Variants in COL14A1 observed in about 807,000 individuals in gnomAD.
COL14A1 encodes the protein collagen type XIV alpha 1 chain.
COL14A1 carries 136 observed loss-of-function variants against 230.3 expected under a neutral mutation model. The ratio of observed to expected loss-of-function variants is 0.59; its 90% CI spans 0.51 to 0.68. The LOEUF (loss-of-function observed/expected upper bound fraction) is 0.68. Among genes scored for constraint, COL14A1 ranks in the 30% least tolerant of loss-of-function variants. The pLI is 0.00. For synonymous variants in COL14A1, 792 were observed against 784.1 expected (o/e 1.01, Z -0.17); for missense variants, 1,976 against 2,215.8 (o/e 0.89, Z 2.17).
intron 5 of COL14A1, among the ~76,000 whole-genome samples, chr8:120,171,545 A>G (rs1044146719): frequency 3.4e-4 from 52 of 152,110 alleles, no homozygotes; most frequent in African/African-American, 1.2e-3. Context: ...ACATTTTACT[A>G]CCTTCTGGCT....
At chr8:120,278,676 T>G in intron 28 of COL14A1, 98 bp downstream of exon 28, 1 of 1,240,806 alleles carries the variant, frequency 8.1e-7, no homozygotes, top group South Asian at 1.9e-5. Flanking sequence ...CTTAAATGTT[T>G]TAAAATATTT....
At position 120,243,947 on chromosome 8, in the gene COL14A1, C is replaced by A; in HGVS notation, c.2418C>A (p.Val806=). The A allele has an allele frequency of 6.2e-7, 1 of 1,613,598 alleles. No homozygotes were observed. Among genetic ancestry groups the A allele is most frequent in the South Asian group, 1.1e-5 (1 of 91,006 alleles). Residue 806 remains valine, a synonymous_variant, in exon 20 of 48, where the codon GTC becomes GTA. Coordinates refer to ENST00000297848, the MANE Select transcript of COL14A1 (RefSeq NM_021110.4). ...KPLLPDTEYK[V]TVTPIYTDGE... ...TGCTTCCTGATACTGAATACAAAGTCACAGTGACTCCCATCTACACGGATG... is the reference window on the plus strand; with the variant it reads ...TGCTTCCTGATACTGAATACAAAGTAACAGTGACTCCCATCTACACGGATG...
intron 2 of COL14A1, among the ~76,000 whole-genome samples, chr8:120,153,468 A>G (rs1815355521): frequency 6.6e-6 from 1 of 152,210 alleles, no homozygotes; most frequent in Non-Finnish European, 1.5e-5. Flanking sequence ...TACAGACATG[A>G]GCCACTGTAC....
At position 120,231,551 on chromosome 8, in the gene COL14A1, A is replaced by T. The variant is rs1031762372; in HGVS notation, c.2282A>T (p.Asp761Val). 4 of 1,614,088 alleles carry T rather than the reference A, an allele frequency of 2.5e-6. No individual in the cohort carries two copies. Among genetic ancestry groups the T allele is most frequent in the Non-Finnish European group, 3.4e-6 (4 of 1,180,010 alleles). ...GTAAAATGGGACATTTCTGACAGCGATGTGCAGCAGTTTAGGGTGACCTAC... is the reference window on the plus strand; with the variant it reads ...GTAAAATGGGACATTTCTGACAGCGTTGTGCAGCAGTTTAGGGTGACCTAC... The part of the protein sequence containing the change: ...LRVKWDISDS[D>V]VQQFRVTYMT... The change falls in exon 19 of 48, where the codon GAT (aspartate) becomes GTT (valine). Residue 761 changes from aspartate to valine, a missense_variant. By Grantham distance (152) the Asp-to-Val change is radical. This residue lies in a region of COL14A1 where 1,791 missense variants were observed against 2,019.5 expected (regional missense o/e 0.89). Coordinates refer to ENST00000297848, the MANE Select transcript of COL14A1 (RefSeq NM_021110.4).
chr8:120,230,280 C>A (rs1213611306), intron 18 of COL14A1, among the ~76,000 whole-genome samples: 3 of 152,152 alleles, frequency 2.0e-5, no homozygotes, highest in Non-Finnish European at 4.4e-5. Context: ...TTTCCTCTCT[C>A]AGCTTAGCTT....
chr8:120,147,951 T>A, intron 2 of COL14A1, 21 bp downstream of exon 2: 1 of 1,530,666 alleles, frequency 6.5e-7, no homozygotes, highest in Non-Finnish European at 9.0e-7. Context: ...ACTTTGAGAA[T>A]CAGTAGGGTC....
intron 31 of COL14A1, among the ~76,000 whole-genome samples, chr8:120,282,130 T>C (rs989095319): frequency 6.6e-6 from 1 of 152,200 alleles, no homozygotes; most frequent in African/African-American, 2.4e-5. Flanking sequence ...GTGGCACATA[T>C]ACACCATGGA....
At position 120,294,098 on chromosome 8, in the gene COL14A1, G is replaced by A. The variant is rs114803667; in HGVS notation, c.4237-3413G>A. ...TTCTTGTGCAGTGTAAAGCTCTCTA[G>A]ATATTTATATAAATTCAGGTACAGC... is the stretch of plus-strand genomic sequence containing the variant. On this transcript the variant is annotated intron_variant, in intron 34 of 47. Transcript: ENST00000297848. 8.0e-3 allele frequency among the ~76,000 whole-genome samples: 1,220 copies of A among 151,706 alleles called. 19 individuals carry two copies. Among genetic ancestry groups the A allele is most frequent in the African/African-American group, 0.027 (1,130 of 41,464 alleles).
chr8:120,212,169 C>A (rs192031172), intron 12 of COL14A1, among the ~76,000 whole-genome samples: 1 of 152,334 alleles, frequency 6.6e-6, no homozygotes. Context: ...ATATACTCAA[C>A]ATTGTTATTC....
At chr8:120,132,810 C>T (rs1814575274) in intron 1 of COL14A1, among the ~76,000 whole-genome samples, 2 of 152,150 alleles carry the variant, frequency 1.3e-5, no homozygotes, top group East Asian at 1.9e-4. Context: ...ACATTAGACA[C>T]AAACATGTTG....
chr8:120,193,965 G>C (rs1265093380), intron 5 of COL14A1, among the ~76,000 whole-genome samples: 1 of 152,158 alleles, frequency 6.6e-6, no homozygotes, highest in African/African-American at 2.4e-5. Flanking sequence ...CCCTTTCTTT[G>C]ACTAGGAAAG....
At chr8:120,340,037 CAAAAAAA>C (rs530829054) in intron 42 of COL14A1, among the ~76,000 whole-genome samples, 2 of 77,732 alleles carry the variant, frequency 2.6e-5, no homozygotes, top group African/African-American at 5.0e-5. Context: ...GACTGCGTCT[CAAAAAAA>C]AAAAAAAAAA....
intron 45 of COL14A1, among the ~76,000 whole-genome samples, chr8:120,357,834 G>A (rs1274746318): frequency 1.3e-5 from 2 of 152,048 alleles, no homozygotes; most frequent in African/African-American, 4.8e-5. Context: ...GTTTTCAGAG[G>A]GAAACGCAAG....
At chr8:120,297,629 T>A in intron 35 of COL14A1, 41 bp downstream of exon 35, 1 of 1,174,694 alleles carries the variant, frequency 8.5e-7, no homozygotes, top group Non-Finnish European at 1.1e-6. Context: ...TTTTAAATTG[T>A]ATTTAATTTT....
intron 5 of COL14A1, among the ~76,000 whole-genome samples, chr8:120,183,491 C>G (rs958350753): frequency 2.0e-5 from 3 of 152,190 alleles, no homozygotes; most frequent in Non-Finnish European, 4.4e-5. Flanking sequence ...GAGTTGAAAT[C>G]TGTCACTTTA....
chr8:120,369,256 T>A, intron 46 of COL14A1, 74 bp from the exon 47 acceptor site: 1 of 1,417,182 alleles, frequency 7.1e-7, no homozygotes. Flanking sequence ...AGAGTTAGTT[T>A]ACTTCTTGGT....
intron 45 of COL14A1, among the ~76,000 whole-genome samples, chr8:120,354,392 TAAAA>T (rs11326177): frequency 7.6e-6 from 1 of 131,516 alleles, no homozygotes; most frequent in African/African-American, 2.8e-5. Flanking sequence ...AAAGTATAAT[TAAAA>T]AAAAAAAAAA....
At chr8:120,343,191 T>G (rs1233503445) in intron 44 of COL14A1, among the ~76,000 whole-genome samples, 1 of 152,206 alleles carries the variant, frequency 6.6e-6, no homozygotes, top group Non-Finnish European at 1.5e-5. Context: ...TCTAATCAGA[T>G]GGTTACTAGT....
intron 40 of COL14A1, among the ~76,000 whole-genome samples, chr8:120,327,715 A>G (rs1821727887): frequency 6.6e-6 from 1 of 152,040 alleles, no homozygotes; most frequent in African/African-American, 2.4e-5. Flanking sequence ...CTTCGATGTG[A>G]TAAGTAGAGC....
Sources: allele counts gnomAD v4.1 joint callset (sites outside exome capture counted in the v4.1 genomes callset), GRCh38; gene constraint gnomAD v4.1.1; regional missense constraint gnomAD v4.1.1; transcripts MANE v1.5; gene names NCBI Gene and HGNC (gene_info 2026-07-23, HGNC 2026-07-21).